The following ADCK2 variants were observed in gnomAD, a reference collection of about 807,000 sequenced individuals.
ADCK2 encodes the protein uncharacterized aarF domain-containing protein kinase 2.
Under a neutral mutation model 52.3 loss-of-function variants are expected in ADCK2, and 37 were observed. The ratio of observed to expected loss-of-function variants is 0.71; its 90% confidence interval spans 0.54 to 0.93. The LOEUF (loss-of-function observed/expected upper bound fraction) is 0.93, where lower values mean the gene tolerates loss of function less well. Ranked by LOEUF, ADCK2 falls within the 40% of genes least tolerant of loss-of-function variation. The pLI, the probability that ADCK2 is intolerant of heterozygous loss-of-function variation, is 0.00. For synonymous variants in ADCK2, 321 were observed against 349.2 expected, an observed-to-expected ratio of 0.92 and a Z score of 0.90; for missense variants, 695 against 798.7, an observed-to-expected ratio of 0.87 and a Z score of 1.56.
chr7:140,691,406 C>T (rs976716624), intron 7 of ADCK2, among the ~76,000 whole-genome samples: 2 of 152,196 alleles, frequency 1.3e-5, no homozygotes, highest in Non-Finnish European at 2.9e-5. Context: ...CTCCTTGGTT[C>T]ACTTTCATGA....
chr7:140,689,507 T>G, intron 5 of ADCK2, 90 bp from the exon 6 acceptor site: 2 of 1,448,970 alleles, frequency 1.4e-6, no homozygotes, highest in South Asian at 1.4e-5. Context: ...AAAGTCAGGG[T>G]GGAGCTGCTG....
At chr7:140,690,920 TTTG>T (rs112260453) in intron 7 of ADCK2, 107 bp downstream of exon 7, 2 of 1,017,938 alleles carry the variant, frequency 2.0e-6, no homozygotes, top group Non-Finnish European at 2.9e-6. Flanking sequence ...GTTCTTGTTT[TTTG>T]TTGTTGTTTT....
chr7:140,687,116 G>A lies in ADCK2; in HGVS notation c.1432G>A (p.Val478Met), dbSNP rs777523650. 1 of 1,613,882 alleles carries A rather than the reference G, an allele frequency of 6.2e-7. No homozygotes were observed. Among genetic ancestry groups the A allele is most frequent in the Non-Finnish European group, 8.5e-7 (1 of 1,180,012 alleles). ...QQADICDTLV[V>M]AVPSSLCPLR... ...GGCGGACATCTGTGACACTCTGGTG[G>A]TGGCCGTGCCATCTTCCCTCTGCCC... Residue 478 changes from valine (V) to methionine (M), a missense_variant, in exon 5 of 8, where the codon GTG (valine) becomes ATG (methionine). Transcript: ENST00000072869.
chr7:140,684,860 G>C (rs1029379278), intron 4 of ADCK2, among the ~76,000 whole-genome samples: 2 of 152,130 alleles, frequency 1.3e-5, no homozygotes, highest in Non-Finnish European at 2.9e-5. Context: ...GGCACACCTA[G>C]GTTTCAATTC....
At chr7:140,683,207 C>T (rs1794547599) in intron 4 of ADCK2, among the ~76,000 whole-genome samples, 1 of 151,996 alleles carries the variant, frequency 6.6e-6, no homozygotes, top group African/African-American at 2.4e-5. Flanking sequence ...ATTGCTTGAA[C>T]CCAGGAGGCA....
chr7:140,673,080 T>G lies in ADCK2; in HGVS notation c.-251T>G, dbSNP rs1801656747. 1 of 245,720 alleles carries G rather than the reference T, an allele frequency of 4.1e-6. No homozygotes were observed. The highest frequency in any genetic ancestry group is 7.6e-6 in the Non-Finnish European group (1 of 131,236). The allele number at this position is 245,720 out of a possible 1,614,324, so 15.2% of individuals were successfully genotyped here. A position where few individuals can be genotyped will look rare whatever the true frequency, so the allele number is the denominator to read the frequency against. On this transcript the variant is annotated 5_prime_UTR_variant, in exon 1 of 8. Transcript: ENST00000072869. This position sits in a 1 kb window ranked among gnomAD's most constrained non-coding sequence, Gnocchi z 6.4. ...CTGGCTTCGCGTGGGTCCTGGCTCC[T>G]CCCGTTCCGCAGTTGGTGCCGTCTG...
intron 5 of ADCK2, among the ~76,000 whole-genome samples, chr7:140,688,873 G>C (rs1794654736): frequency 1.3e-5 from 2 of 152,184 alleles, no homozygotes; most frequent in Admixed American, 1.3e-4. Context: ...CTACGTCGTG[G>C]GTGACTCTGA....
chr7:140,690,355 A>C (rs908201733), intron 6 of ADCK2, among the ~76,000 whole-genome samples: 2 of 152,074 alleles, frequency 1.3e-5, no homozygotes, highest in Non-Finnish European at 2.9e-5. Flanking sequence ...GGCACCCGCC[A>C]CCACACCCGG....
At chr7:140,689,282 A>T (rs190546119) in intron 5 of ADCK2, among the ~76,000 whole-genome samples, 1,521 of 149,240 alleles carry the variant, frequency 0.01, 27 homozygotes, top group African/African-American at 0.035. Flanking sequence ...TTAAAAAAAA[A>T]TTTTTTTTTT....
Position 140,689,687 on chromosome 7 carries a change from G to C in ADCK2, c.1648G>C (p.Val550Leu). The stretch of plus-strand genomic sequence containing the variant: ...GTTCAAAACCGAGATGGCCATGCTG[G>C]TGACCCAGGCCAGGAAGAACACCAT... Reference protein sequence around the residue: ...EGFKTEMAMLVTQARKNTITL... With the variant: ...EGFKTEMAMLLTQARKNTITL... The change falls in exon 6 of 8, where the codon GTG (valine) becomes CTG (leucine). Residue 550 changes from valine to leucine, a missense_variant. By Grantham distance (32) the Val-to-Leu change is conservative (BLOSUM62 1). Coordinates refer to ENST00000072869, the MANE Select transcript of ADCK2 (RefSeq NM_052853.4). The C allele has an allele frequency of 6.2e-7, 1 of 1,613,724 alleles. No individual in the cohort carries two copies. The highest frequency in any genetic ancestry group is 8.5e-7 in the Non-Finnish European group (1 of 1,179,782).
At chr7:140,689,446 A>G in intron 5 of ADCK2, 151 bp from the exon 6 acceptor site, 1 of 941,254 alleles carries the variant, frequency 1.1e-6, no homozygotes, top group South Asian at 1.8e-5. Flanking sequence ...GGTATGGGCA[A>G]AGGGAAAAGG....
rs1244487319 is a variant in ADCK2, at chr7:140,687,209, C to T, written c.1525C>T (p.Arg509Trp). 9 of 1,579,000 alleles carry T rather than the reference C, an allele frequency of 5.7e-6. No individual in the cohort carries two copies. The highest frequency in any genetic ancestry group is 1.8e-5 in the Admixed American group (1 of 54,532). The change falls in exon 5 of 8, where the codon CGG becomes TGG. Residue 509 changes from arginine to tryptophan, a missense_variant. By Grantham distance (101) the Arg-to-Trp change is moderately radical. Coordinates refer to ENST00000072869, the MANE Select transcript of ADCK2 (RefSeq NM_052853.4). ...GCAGGCCCCTGACCTGAGGAATTTC[C>T]GGGCAGTTTTCATGGCTGTGGTGAT... ...ELQAPDLRNF[R>W]AVFMAVVMGQ...
intron 7 of ADCK2, among the ~76,000 whole-genome samples, chr7:140,692,163 A>G (rs1794719249): frequency 1.3e-5 from 2 of 152,186 alleles, no homozygotes; most frequent in African/African-American, 4.8e-5. Context: ...GGCAGAGCTG[A>G]AACTCTACAG....
intron 7 of ADCK2, among the ~76,000 whole-genome samples, chr7:140,692,139 G>A (rs1794718803): frequency 6.6e-6 from 1 of 152,154 alleles, no homozygotes; most frequent in Non-Finnish European, 1.5e-5. Context: ...CAGATCTCTA[G>A]GTCTTTCTCA....
chr7:140,686,791 T>C (rs1037413777), intron 4 of ADCK2, among the ~76,000 whole-genome samples, 199 bp from the exon 5 acceptor site: 2 of 152,194 alleles, frequency 1.3e-5, no homozygotes, highest in Non-Finnish European at 2.9e-5. Flanking sequence ...AAATAATTTT[T>C]CTCTTGAAAA....
chr7:140,673,117 C>CGCGCGGCGCGGCGCG lies in ADCK2; in HGVS notation c.-205_-191dup, dbSNP rs569845382. The CGCGCGGCGCGGCGCG allele has an allele frequency of 1.7e-5, 5 of 302,156 alleles. No individual in the cohort carries two copies. Among genetic ancestry groups the CGCGCGGCGCGGCGCG allele is most frequent in the African/African-American group, 1.1e-4 (5 of 44,250 alleles). 18.7% of individuals were successfully genotyped at this position (302,156 alleles called of 1,614,324 possible). A position where few individuals can be genotyped will look rare whatever the true frequency, so the allele number is the denominator to read the frequency against. The stretch of plus-strand genomic sequence containing the variant: ...GTTGGTGCCGTCTGACAGCCCCTTC[C>CGCGCGGCGCGGCGCG]GCGCGGCGCGGCGCGGCGCGGCGGG... On this transcript the variant is annotated 5_prime_UTR_variant, in exon 1 of 8. Coordinates refer to ENST00000072869, the MANE Select transcript of ADCK2 (RefSeq NM_052853.4). The surrounding 1 kb of genome is among the most constrained non-coding windows in gnomAD (Gnocchi z 6.4).
intron 2 of ADCK2, among the ~76,000 whole-genome samples, chr7:140,677,361 T>A (rs116183711): frequency 0.011 from 1,592 of 149,940 alleles, 35 homozygotes; most frequent in African/African-American, 0.037. Context: ...TGAGCCAAGA[T>A]CATGCTTTTG....
At chr7:140,687,271 G>T in intron 5 of ADCK2, 30 bp downstream of exon 5, 1 of 1,520,434 alleles carries the variant, frequency 6.6e-7, no homozygotes, top group Non-Finnish European at 8.9e-7. Flanking sequence ...CAGAAGTTGG[G>T]GTGAATTTTT....
Position 140,673,804 on chromosome 7 carries a change from G to C in ADCK2, c.474G>C (p.Leu158=). 6.2e-7 allele frequency: 1 copy of C among 1,613,716 alleles called. No individual in the cohort carries two copies. The highest frequency in any genetic ancestry group is 8.5e-7 in the Non-Finnish European group (1 of 1,179,990). Residue 158 remains leucine, a synonymous_variant, in exon 1 of 8, where the codon CTG becomes CTC. Coordinates refer to ENST00000072869, the MANE Select transcript of ADCK2 (RefSeq NM_052853.4). The surrounding 1 kb of genome is among the most constrained non-coding windows in gnomAD (Gnocchi z 6.4). ...LGQWASTRRD[L]FSEAFCAQFS... is the part of the protein sequence containing the mutation. ...AGTGGGCCAGCACCCGGCGCGATCTGTTTTCGGAGGCTTTCTGTGCCCAAT... is the reference window on the plus strand; with the variant it reads ...AGTGGGCCAGCACCCGGCGCGATCTCTTTTCGGAGGCTTTCTGTGCCCAAT...
Sources: allele counts gnomAD v4.1 joint callset (sites outside exome capture counted in the v4.1 genomes callset), GRCh38; gene constraint gnomAD v4.1.1; non-coding constraint Gnocchi (gnomAD v3.1); transcripts MANE v1.5; gene names NCBI Gene and HGNC (gene_info 2026-07-23, HGNC 2026-07-21).